The following CNTN5 variants were observed in gnomAD, a reference collection of about 807,000 sequenced individuals.
The protein encoded by CNTN5 is contactin 5, also known as contactin-5.
CNTN5 carries 77 observed loss-of-function variants against 129.1 expected under a neutral mutation model. That is an observed-to-expected ratio of 0.60 (90% CI 0.50 to 0.72). The LOEUF (loss-of-function observed/expected upper bound fraction) is 0.72, where lower values mean the gene tolerates loss of function less well. Ranked by LOEUF, CNTN5 falls within the 30% of genes least tolerant of loss-of-function variation. The probability of loss-of-function intolerance (pLI) is 0.00; values close to 1 mark genes in which losing one functional copy is unlikely to be tolerated. For synonymous variants in CNTN5, 509 were observed against 465.6 expected, an observed-to-expected ratio of 1.09 and a Z score of -1.20; for missense variants, 1,478 against 1,328.8, an observed-to-expected ratio of 1.11 and a Z score of -1.75.
intron 3 of CNTN5, among the ~76,000 whole-genome samples, chr11:99,794,479 G>A (rs1057076643): frequency 6.6e-6 from 1 of 152,034 alleles, no homozygotes; most frequent in African/African-American, 2.4e-5. Context: ...TGTTAGCTGG[G>A]TTATTTTGCA....
At position 100,193,680 on chromosome 11, in the gene CNTN5, T is replaced by G; in HGVS notation, c.1884+17T>G. 1 of 1,602,726 alleles carries G rather than the reference T, an allele frequency of 6.2e-7. No individual in the cohort carries two copies. The highest frequency in any genetic ancestry group is 8.5e-7 in the Non-Finnish European group (1 of 1,175,292). On this transcript the variant is annotated intron_variant, in intron 15 of 24. Coordinates refer to ENST00000524871, the MANE Select transcript of CNTN5 (RefSeq NM_014361.4). ...ATCAGGGCCGTAAGTGAATACACTT[T>G]TATTCTTTTAGTAATGATAACTTTA...
intron 3 of CNTN5, among the ~76,000 whole-genome samples, chr11:99,711,212 G>A (rs1424553367): frequency 6.6e-6 from 1 of 151,856 alleles, no homozygotes; most frequent in Admixed American, 6.6e-5. Context: ...GTTGGTCAAA[G>A]CAACTCTATA....
chr11:99,958,291 C>A (rs891109327), intron 8 of CNTN5, among the ~76,000 whole-genome samples: 4 of 152,122 alleles, frequency 2.6e-5, no homozygotes, highest in Non-Finnish European at 4.4e-5. Flanking sequence ...GTAGGATTAC[C>A]AGCATTTGAT....
chr11:99,068,922 T>C (rs905375134), intron 1 of CNTN5, among the ~76,000 whole-genome samples: 1 of 152,088 alleles, frequency 6.6e-6, no homozygotes, highest in Admixed American at 6.6e-5. Flanking sequence ...AGTGAATAAA[T>C]GGAAGAGGAA....
chr11:99,338,219 A>T (rs1308273347), intron 2 of CNTN5, among the ~76,000 whole-genome samples: 1 of 152,230 alleles, frequency 6.6e-6, no homozygotes, highest in Non-Finnish European at 1.5e-5. Flanking sequence ...TCATTTAAAA[A>T]TGTTTGACTT....
chr11:100,326,387 A>G (rs911034353), intron 21 of CNTN5, among the ~76,000 whole-genome samples: 3 of 152,216 alleles, frequency 2.0e-5, no homozygotes, highest in African/African-American at 7.2e-5. Context: ...AGAAATTCCA[A>G]TGTTTCAAGA....
intron 1 of CNTN5, among the ~76,000 whole-genome samples, chr11:99,207,048 T>TA (rs945757789): frequency 1.3e-5 from 2 of 152,130 alleles, no homozygotes; most frequent in African/African-American, 4.8e-5. Context: ...CTGCTAGTCT[T>TA]AGTCACAAGC....
intron 7 of CNTN5, among the ~76,000 whole-genome samples, chr11:99,929,250 A>G (rs1950135555): frequency 1.3e-5 from 2 of 152,106 alleles, no homozygotes; most frequent in African/African-American, 4.8e-5. Context: ...ACTTTCCCCC[A>G]TCTTTCTGTC....
intron 1 of CNTN5, among the ~76,000 whole-genome samples, chr11:99,044,585 GCCC>G (rs1250518910): frequency 3.9e-5 from 6 of 152,068 alleles, no homozygotes; most frequent in African/African-American, 1.4e-4. Flanking sequence ...ACCTATGCAG[GCCC>G]TGTTGACAGG....
In CNTN5 at chr11:99,796,337, T is replaced by A. The variant is rs548909523; in HGVS notation, c.56-23207T>A. ...GCGTGGTGGAGTGCATACACACATG[T>A]ACATCCATTGGGGAGGGGAGGTGAT... On this transcript the variant is annotated intron_variant, in intron 3 of 24. Transcript: ENST00000524871. Among the ~76,000 whole-genome samples, 133 of 152,150 alleles carry A rather than the reference T, an allele frequency of 8.7e-4. 4 individuals carry two copies. In the South Asian group the frequency reaches 0.027, roughly 31 times the overall value.
Position 99,819,569 on chromosome 11 carries a change from C to T in CNTN5, c.81C>T (p.Leu27=), listed in dbSNP as rs200129740. 3 of 1,612,620 alleles carry T rather than the reference C, an allele frequency of 1.9e-6. No individual in the cohort carries two copies. Among genetic ancestry groups the T allele is most frequent in the Non-Finnish European group, 2.5e-6 (3 of 1,179,678 alleles). ...AGTATTCAAAATCTCTTCCTGGTCT[C>T]TCCACTTCATATGCTGCTTTGTTAA... ...LSEYSKSLPG[L]STSYAALLRI... is the part of the protein sequence containing the mutation. The change falls in exon 4 of 25, where the codon CTC becomes CTT. Residue 27 remains leucine, a synonymous_variant. Transcript: ENST00000524871.
At chr11:100,326,461 T>C (rs576764865) in intron 21 of CNTN5, among the ~76,000 whole-genome samples, 12 of 152,314 alleles carry the variant, frequency 7.9e-5, no homozygotes, top group East Asian at 5.8e-4. Context: ...CCAAAGACTA[T>C]TGATTTTATC....
chr11:99,357,310 A>G (rs1938746200), intron 2 of CNTN5, among the ~76,000 whole-genome samples: 1 of 152,184 alleles, frequency 6.6e-6, no homozygotes. Context: ...CGTATACCTG[A>G]GATCCAATAG....
At chr11:99,672,559 A>G (rs1375642006) in intron 3 of CNTN5, among the ~76,000 whole-genome samples, 1 of 151,402 alleles carries the variant, frequency 6.6e-6, no homozygotes, top group East Asian at 1.9e-4. Flanking sequence ...CATACTCTGC[A>G]CGAGCAAGAG....
chr11:99,494,672 A>G (rs955976470), intron 2 of CNTN5, among the ~76,000 whole-genome samples: 1 of 152,210 alleles, frequency 6.6e-6, no homozygotes, highest in African/African-American at 2.4e-5. Context: ...ACAGATGACT[A>G]TGGTGAGGAG....
intron 3 of CNTN5, among the ~76,000 whole-genome samples, chr11:99,708,796 T>A (rs1337785327): frequency 6.6e-6 from 1 of 151,702 alleles, no homozygotes; most frequent in African/African-American, 2.4e-5. Context: ...CTAGAGTCAT[T>A]TTTGATCATC....
chr11:100,047,219 A>G (rs139005673), intron 9 of CNTN5, among the ~76,000 whole-genome samples: 2,073 of 150,866 alleles, frequency 0.014, 48 homozygotes, highest in African/African-American at 0.047. Flanking sequence ...GGGTTGGGAA[A>G]TCTTCAAACT....
At chr11:99,148,712 C>T (rs1431502619) in intron 1 of CNTN5, among the ~76,000 whole-genome samples, 1 of 152,198 alleles carries the variant, frequency 6.6e-6, no homozygotes, top group African/African-American at 2.4e-5. Flanking sequence ...ATTCAAAGTA[C>T]AGAAGCAGCT....
At chr11:99,392,712 A>T (rs901625230) in intron 2 of CNTN5, among the ~76,000 whole-genome samples, 3 of 151,898 alleles carry the variant, frequency 2.0e-5, no homozygotes, top group Admixed American at 6.6e-5. Flanking sequence ...GTTAATGGTA[A>T]AAAGCAAATA....
Sources: gnomAD v4.1 joint callset for allele counts (sites outside exome capture counted in the v4.1 genomes callset) on GRCh38, gnomAD v4.1.1 for gene constraint, MANE v1.5 for transcripts, NCBI Gene and HGNC (gene_info 2026-07-23, HGNC 2026-07-21) for gene names.